Variants in SLC39A11 observed in about 807,000 individuals in gnomAD.
The protein encoded by SLC39A11 is solute carrier family 39 member 11.
Under a neutral mutation model 36.1 loss-of-function variants are expected in SLC39A11, and 33 were observed. The observed-to-expected ratio is 0.91, with a 90% CI of 0.69 to 1.22. The LOEUF (loss-of-function observed/expected upper bound fraction) is 1.22, where lower values mean the gene tolerates loss of function less well. Ranked by LOEUF, SLC39A11 falls within the 50% of genes most tolerant of loss-of-function variation. The pLI is 0.00. For synonymous variants in SLC39A11, 166 were observed against 170.3 expected (o/e 0.97, Z 0.20); for missense variants, 432 against 430.3 (o/e 1.00, Z -0.03).
At chr17:73,009,819 T>C (rs1010932475) in intron 4 of SLC39A11, among the ~76,000 whole-genome samples, 2 of 152,184 alleles carry the variant, frequency 1.3e-5, no homozygotes, top group East Asian at 1.9e-4. Flanking sequence ...ACATGTGCCA[T>C]GTTGGTGTGC....
chr17:72,988,627 C>T (rs909601233), intron 4 of SLC39A11, among the ~76,000 whole-genome samples: 6 of 152,118 alleles, frequency 3.9e-5, no homozygotes, highest in African/African-American at 1.4e-4. Context: ...AACAACTCCC[C>T]TTTTCTCAGT....
intron 4 of SLC39A11, among the ~76,000 whole-genome samples, chr17:72,959,190 C>A (rs959665851): frequency 2.0e-5 from 3 of 151,526 alleles, no homozygotes; most frequent in Non-Finnish European, 4.4e-5. Flanking sequence ...GAAAAGAGGT[C>A]ATCACATGAA....
chr17:72,896,725 G>A (rs2082047236), intron 5 of SLC39A11, among the ~76,000 whole-genome samples: 1 of 152,018 alleles, frequency 6.6e-6, no homozygotes, highest in East Asian at 1.9e-4. Context: ...ACCAGGGAGT[G>A]AGGGAAAGGG....
chr17:73,078,492 G>GTTT (rs200061489), intron 3 of SLC39A11, among the ~76,000 whole-genome samples: 1 of 140,414 alleles, frequency 7.1e-6, no homozygotes. Flanking sequence ...TTTGTTTTTT[G>GTTT]TTGTTTTTTT....
At chr17:73,087,645 G>A (rs11653135) in intron 2 of SLC39A11, among the ~76,000 whole-genome samples, 54,102 of 151,838 alleles carry the variant, frequency 0.36, 9,866 homozygotes, top group South Asian at 0.42. Flanking sequence ...GTGTGCAAGT[G>A]TGGGTATGTG....
chr17:72,704,544 C>G (rs1182136782), intron 7 of SLC39A11, among the ~76,000 whole-genome samples: 2 of 152,166 alleles, frequency 1.3e-5, no homozygotes, highest in Non-Finnish European at 2.9e-5. Context: ...TTCAGTGGGT[C>G]CTGCAAGGCC....
chr17:72,957,116 C>T (rs1252639502), intron 4 of SLC39A11, among the ~76,000 whole-genome samples: 5 of 152,088 alleles, frequency 3.3e-5, no homozygotes, highest in African/African-American at 9.7e-5. Flanking sequence ...CTCATTCGTA[C>T]GCTAACCTCA....
intron 5 of SLC39A11, among the ~76,000 whole-genome samples, chr17:72,882,528 C>T (rs902948274): frequency 6.6e-6 from 1 of 152,166 alleles, no homozygotes; most frequent in African/African-American, 2.4e-5. Flanking sequence ...AACTTCCTGG[C>T]TCTCTGCAAA....
At chr17:72,662,184 C>T (rs1328242119) in intron 7 of SLC39A11, among the ~76,000 whole-genome samples, 2 of 152,032 alleles carry the variant, frequency 1.3e-5, no homozygotes, top group African/African-American at 2.4e-5. Flanking sequence ...GGAGGACTGC[C>T]TGAGCCCAGG....
rs375305824 is a variant in SLC39A11 at position 73,009,915 on chromosome 17, G to A, written c.306+21641C>T. Among the ~76,000 whole-genome samples, 39 of 150,692 alleles carry A rather than the reference G, an allele frequency of 2.6e-4. No individual in the cohort carries two copies. The South Asian group carries it at 3.6e-3, about 14-fold the overall frequency. On this transcript the variant is annotated intron_variant, in intron 4 of 9. Coordinates refer to ENST00000255559, the MANE Select transcript of SLC39A11 (RefSeq NM_139177.4). The stretch of plus-strand genomic sequence containing the variant: ...CCCCCACCCCACGACAGGCCCCAGT[G>A]TGTGATGTTCCCTACCCTGTGTCCA...
chr17:72,943,200 G>T (rs2085226522), intron 5 of SLC39A11, among the ~76,000 whole-genome samples: 1 of 152,154 alleles, frequency 6.6e-6, no homozygotes, highest in Non-Finnish European at 1.5e-5. Context: ...TGCTGATCCG[G>T]GGTTGGGCAC....
intron 5 of SLC39A11, among the ~76,000 whole-genome samples, chr17:72,873,069 A>AG (rs2080726429): frequency 2.0e-5 from 3 of 150,380 alleles, no homozygotes; most frequent in Non-Finnish European, 4.4e-5. Flanking sequence ...AAAAAAAAAA[A>AG]GAAAAAAAAA....
At chr17:72,842,920 T>G (rs1436487187) in intron 6 of SLC39A11, among the ~76,000 whole-genome samples, 1 of 152,150 alleles carries the variant, frequency 6.6e-6, no homozygotes, top group Non-Finnish European at 1.5e-5. Context: ...CAACTATACT[T>G]TTCTTTGTCC....
chr17:73,029,528 T>C (rs997409407), intron 4 of SLC39A11, among the ~76,000 whole-genome samples: 1 of 151,614 alleles, frequency 6.6e-6, no homozygotes, highest in East Asian at 1.9e-4. Flanking sequence ...CTACCACACA[T>C]AGTCGGCAGC....
chr17:72,673,552 C>CA (rs2071112505), intron 7 of SLC39A11, among the ~76,000 whole-genome samples: 1 of 152,112 alleles, frequency 6.6e-6, no homozygotes, highest in African/African-American at 2.4e-5. Flanking sequence ...ACAATGTTTG[C>CA]ACAGTTTTTT....
chr17:72,827,635 A>G (rs1026990350), intron 6 of SLC39A11, among the ~76,000 whole-genome samples: 1 of 152,230 alleles, frequency 6.6e-6, no homozygotes, highest in Admixed American at 6.5e-5. Flanking sequence ...ACAGGGGTGC[A>G]TGGAAAACAT....
chr17:72,669,916 AT>A (rs2070922662), intron 7 of SLC39A11, among the ~76,000 whole-genome samples: 1 of 150,598 alleles, frequency 6.6e-6, no homozygotes, highest in Non-Finnish European at 1.5e-5. Flanking sequence ...ATACGTATAG[AT>A]GTATATACAC....
intron 4 of SLC39A11, among the ~76,000 whole-genome samples, chr17:72,959,311 A>ATGTGTGTGTGTG (rs1214552224): frequency 1.6e-4 from 15 of 92,596 alleles, no homozygotes; most frequent in African/African-American, 6.3e-4. Flanking sequence ...TGGTGTATGT[A>ATGTGTGTGTGTG]TGTGTGTGTG....
chr17:73,016,931 C>T (rs977543774), intron 4 of SLC39A11, among the ~76,000 whole-genome samples: 1 of 152,236 alleles, frequency 6.6e-6, no homozygotes, highest in African/African-American at 2.4e-5. Context: ...TAGCTCTCCA[C>T]TTAAGCGCCT....
Sources: gnomAD v4.1 joint callset for allele counts (sites outside exome capture counted in the v4.1 genomes callset) on GRCh38, gnomAD v4.1.1 for gene constraint, MANE v1.5 for transcripts, NCBI Gene and HGNC (gene_info 2026-07-23, HGNC 2026-07-21) for gene names.